The following AP1AR variants were observed in gnomAD, a reference collection of about 807,000 sequenced individuals.
AP1AR encodes the protein AP-1 complex-associated regulatory protein.
Under a neutral mutation model 46.3 loss-of-function variants are expected in AP1AR, and 29 were observed. The observed-to-expected ratio is 0.63, with a 90% CI of 0.47 to 0.85. AP1AR has a LOEUF of 0.85. Ranked by LOEUF, AP1AR falls within the 40% of genes least tolerant of loss-of-function variation. AP1AR has a pLI of 0.00. For missense variants in AP1AR, 357 were observed against 356.3 expected (o/e 1.00, Z -0.02); for synonymous variants, 122 against 122.9 (o/e 0.99, Z 0.05).
In AP1AR at chr4:112,271,989, C is replaced by T. The variant is rs893924009; in HGVS notation, c.*3580C>T. On this transcript the variant is annotated 3_prime_UTR_variant, in exon 10 of 10. Transcript: ENST00000274000. ...ATGCAGGAACCAGAGAATAGTGTCA[C>T]AGGAGCCAGGAAATAAGAGGGCTCA... is the stretch of plus-strand genomic sequence containing the variant. Among the ~76,000 whole-genome samples the T allele has an allele frequency of 1.3e-5, 2 of 152,142 alleles. No homozygotes were observed. Among genetic ancestry groups the T allele is most frequent in the African/African-American group, 4.8e-5 (2 of 41,424 alleles).
At chr4:112,234,573 T>C (rs2110462171) in intron 1 of AP1AR, among the ~76,000 whole-genome samples, 1 of 152,364 alleles carries the variant, frequency 6.6e-6, no homozygotes, top group South Asian at 2.1e-4. Context: ...AACATCAATT[T>C]TAATACTGTT....
intron 1 of AP1AR, 32 bp downstream of exon 1, chr4:112,232,206 G>A: frequency 7.9e-7 from 1 of 1,261,740 alleles, no homozygotes; most frequent in Non-Finnish European, 1.0e-6. Context: ...CCCGGCCCCC[G>A]TGGCTCCTCC....
At chr4:112,249,186 C>T (rs552166129) in intron 1 of AP1AR, among the ~76,000 whole-genome samples, 4 of 151,838 alleles carry the variant, frequency 2.6e-5, no homozygotes, top group South Asian at 2.1e-4. Context: ...CCCAGCTACT[C>T]GGGAGGCTGA....
chr4:112,263,107 C>T, intron 6 of AP1AR, 21 bp downstream of exon 6: 1 of 1,583,830 alleles, frequency 6.3e-7, no homozygotes, highest in Non-Finnish European at 8.6e-7. Context: ...AAGACCCCAG[C>T]ATATATTAGG....
intron 7 of AP1AR, chr4:112,265,428 G>A (rs1726659763): frequency 2.8e-6 from 1 of 357,644 alleles, no homozygotes; most frequent in African/African-American, 2.1e-5. Flanking sequence ...AGATATTTCA[G>A]TGTCACATTT....
chr4:112,237,838 A>C (rs1223113263), intron 1 of AP1AR, among the ~76,000 whole-genome samples: 1 of 152,084 alleles, frequency 6.6e-6, no homozygotes, highest in Non-Finnish European at 1.5e-5. Context: ...TTCCCTATGA[A>C]ACCCGCTCCA....
chr4:112,271,950 CAG>C lies in AP1AR; in HGVS notation c.*3543_*3544del, dbSNP rs1216776198. ...GTAGTGAAACAGTCGTCAAAAGAAA[CAG>C]ATACAGGAGGAATGCAGGAACCAGA... On this transcript the variant is annotated 3_prime_UTR_variant, in exon 10 of 10. Transcript: ENST00000274000. Among the ~76,000 whole-genome samples, 4 of 152,118 alleles carry C rather than the reference CAG, an allele frequency of 2.6e-5. No homozygotes were observed. The highest frequency in any genetic ancestry group is 2.0e-4 in the Admixed American group (3 of 15,266).
Position 112,272,262 on chromosome 4 carries a change from A to T in AP1AR, c.*3853A>T, listed in dbSNP as rs1175905807. ...TATGAACAGGGCAGGACAGCGCCAC[A>T]AAGACTGTGAGGGCTGGTGACAGGG... On this transcript the variant is annotated 3_prime_UTR_variant, in exon 10 of 10. Coordinates refer to ENST00000274000, the MANE Select transcript of AP1AR (RefSeq NM_018569.6). Among the ~76,000 whole-genome samples the T allele has an allele frequency of 6.6e-6, 1 of 152,190 alleles. No individual in the cohort carries two copies. The highest frequency in any genetic ancestry group is 6.5e-5 in the Admixed American group (1 of 15,274).
chr4:112,262,968 A>T lies in AP1AR; in HGVS notation c.283-20A>T. ...CAGGTTCTGATTTTTGTTAATCCTT[A>T]TCGTTTTGTTCATGTACAGTTAGCC... On this transcript the variant is annotated intron_variant, in intron 5 of 9. Coordinates refer to ENST00000274000, the MANE Select transcript of AP1AR (RefSeq NM_018569.6). 1.9e-6 allele frequency: 3 copies of T among 1,575,642 alleles called. No individual in the cohort carries two copies. The highest frequency in any genetic ancestry group is 2.2e-5 in the South Asian group (2 of 90,090).
At chr4:112,246,431 A>G (rs1422651974) in intron 1 of AP1AR, among the ~76,000 whole-genome samples, 1 of 152,158 alleles carries the variant, frequency 6.6e-6, no homozygotes, top group Non-Finnish European at 1.5e-5. Flanking sequence ...GCTTGAACCC[A>G]GGAGGCAGAG....
chr4:112,245,550 A>G (rs1406597094), intron 1 of AP1AR, among the ~76,000 whole-genome samples: 1 of 152,224 alleles, frequency 6.6e-6, no homozygotes, highest in Non-Finnish European at 1.5e-5. Context: ...AGCCTTTAAA[A>G]TTCAGACTAG....
chr4:112,260,205 G>C (rs181781154), intron 4 of AP1AR, among the ~76,000 whole-genome samples: 443 of 152,230 alleles, frequency 2.9e-3, no homozygotes, highest in African/African-American at 9.7e-3. Context: ...TGAGTATGTT[G>C]GTAAGAAAGT....
chr4:112,244,778 C>T (rs867888479), intron 1 of AP1AR, among the ~76,000 whole-genome samples: 5 of 152,130 alleles, frequency 3.3e-5, no homozygotes, highest in African/African-American at 1.2e-4. Flanking sequence ...AACATTCACA[C>T]CTCCAAAAAT....
intron 3 of AP1AR, among the ~76,000 whole-genome samples, chr4:112,255,126 A>G (rs1296154252): frequency 2.0e-5 from 3 of 151,638 alleles, no homozygotes; most frequent in African/African-American, 7.3e-5. Flanking sequence ...CGCCCGGCTA[A>G]TTTTTTGTAT....
chr4:112,254,771 GA>G lies in AP1AR; in HGVS notation c.159del (p.Glu55ArgfsTer18). On this transcript the variant is annotated frameshift_variant and splice_region_variant, in exon 3 of 10. Coordinates refer to ENST00000274000, the MANE Select transcript of AP1AR (RefSeq NM_018569.6). LOFTEE classifies it high-confidence loss of function. ...IEFENLVESDEGESPGSSHRP... is the reference protein window; with the variant it reads ...IEFENLVESDXGESPGSSHRP... ...GTTTGAGAATCTAGTAGAAAGTGAT[GA>G]AGTAAGTATTTCCATAATAGTACAA... 1 of 1,493,514 alleles carries G rather than the reference GA, an allele frequency of 6.7e-7. No individual in the cohort carries two copies. Among genetic ancestry groups the G allele is most frequent in the Non-Finnish European group, 9.0e-7 (1 of 1,107,334 alleles). The allele number at this position is 1,493,514 out of a possible 1,614,324, so 92.5% of individuals were successfully genotyped here.
intron 1 of AP1AR, among the ~76,000 whole-genome samples, chr4:112,240,068 C>A (rs553311671): frequency 3.3e-4 from 51 of 152,324 alleles, no homozygotes; most frequent in African/African-American, 1.1e-3. Flanking sequence ...CTTTTAAATG[C>A]AAATCTGTGA....
At chr4:112,265,709 A>C in intron 7 of AP1AR, 25 bp from the exon 8 acceptor site, 1 of 1,573,012 alleles carries the variant, frequency 6.4e-7, no homozygotes, top group Non-Finnish European at 8.7e-7. Flanking sequence ...GAATATATTA[A>C]AAAATTATTT....
chr4:112,245,690 T>A (rs1326959268), intron 1 of AP1AR, among the ~76,000 whole-genome samples: 1 of 152,172 alleles, frequency 6.6e-6, no homozygotes, highest in African/African-American at 2.4e-5. Context: ...AAATACATAT[T>A]TTAAAAATAA....
In AP1AR at chr4:112,268,359, C is replaced by T. The variant is rs752894677; in HGVS notation, c.859C>T (p.Leu287=). Residue 287 remains leucine (L), a synonymous_variant, in exon 10 of 10, where the codon CTG becomes TTG. Transcript: ENST00000274000. ...TGGATTTGTAAATCCTGTATTAGAACTGTCTGATTCTGGCATAAGGCATTC... is the reference window on the plus strand; with the variant it reads ...TGGATTTGTAAATCCTGTATTAGAATTGTCTGATTCTGGCATAAGGCATTC... ...YSGFVNPVLE[L]SDSGIRHSDT... 46 of 1,611,240 alleles carry T rather than the reference C, an allele frequency of 2.9e-5. No individual in the cohort carries two copies. The highest frequency in any genetic ancestry group is 3.7e-5 in the Non-Finnish European group (44 of 1,178,390).
Sources: gnomAD v4.1 joint callset for allele counts (sites outside exome capture counted in the v4.1 genomes callset) on GRCh38, gnomAD v4.1.1 for gene constraint, MANE v1.5 for transcripts, NCBI Gene and HGNC (gene_info 2026-07-23, HGNC 2026-07-21) for gene names.